Variants in HTR5A observed in about 807,000 individuals in gnomAD.
The protein encoded by HTR5A is 5-hydroxytryptamine receptor 5A.
In HTR5A, 21 loss-of-function variants were observed where a neutral mutation model predicts 24.3. The ratio of observed to expected loss-of-function variants is 0.86; its 90% CI spans 0.61 to 1.24. The LOEUF (loss-of-function observed/expected upper bound fraction) is 1.24, where lower values mean the gene tolerates loss of function less well. Ranked by LOEUF, HTR5A falls within the 50% of genes most tolerant of loss-of-function variation. The pLI, the probability that HTR5A is intolerant of heterozygous loss-of-function variation, is 0.00. For missense variants in HTR5A, 497 were observed against 489.5 expected (o/e 1.02, Z -0.15); for synonymous variants, 260 against 213.7 (o/e 1.22, Z -1.89).
rs2241859 is a variant in HTR5A at position 155,071,757 on chromosome 7, G to A, written c.741+117G>A. On this transcript the variant is annotated intron_variant, in intron 1 of 1. Coordinates refer to ENST00000287907, the MANE Select transcript of HTR5A (RefSeq NM_024012.4). ...AATGGAACTTTTTGTGTTTGGGAGT[G>A]GGGGGAGTAAACTGGGAGAGTGGAA... 21 of 1,076,062 alleles carry A rather than the reference G, an allele frequency of 2.0e-5. No homozygotes were observed. In the Admixed American group the frequency reaches 3.3e-4, roughly 17 times the overall value. The allele number at this position is 1,076,062 out of a possible 1,614,324, so 66.7% of individuals were successfully genotyped here.
At chr7:155,080,156 A>G (rs984783768) in intron 1 of HTR5A, among the ~76,000 whole-genome samples, 4 of 152,240 alleles carry the variant, frequency 2.6e-5, no homozygotes, top group Non-Finnish European at 5.9e-5. Flanking sequence ...ACACACAAGC[A>G]AGGCAAGAGG....
chr7:155,083,659 G>A (rs1222744212), intron 1 of HTR5A, among the ~76,000 whole-genome samples: 3 of 152,238 alleles, frequency 2.0e-5, no homozygotes, highest in Non-Finnish European at 2.9e-5. Flanking sequence ...GCCTCAAACA[G>A]TAGAATATGC....
intron 1 of HTR5A, among the ~76,000 whole-genome samples, chr7:155,082,638 A>T (rs55918542): frequency 0.029 from 4,464 of 152,274 alleles, 196 homozygotes; most frequent in African/African-American, 0.1. Flanking sequence ...TTCTTGTTTT[A>T]TTGCCGTCTT....
rs148039174 is a variant in HTR5A at position 155,082,986 on chromosome 7, C to T, written c.742-1169C>T. ...ACAGACTTGATGTTATACTGTTTTG[C>T]AAATAAATGTCAGCAAAGCTCTTCT... On this transcript the variant is annotated intron_variant, in intron 1 of 1. Transcript: ENST00000287907. Among the ~76,000 whole-genome samples the T allele has an allele frequency of 4.7e-4, 72 of 152,220 alleles. No individual in the cohort carries two copies. The East Asian group carries it at 0.013, about 27-fold the overall frequency.
rs529335046 is a variant in HTR5A, at chr7:155,082,344, C to A, written c.742-1811C>A. 4.0e-5 allele frequency among the ~76,000 whole-genome samples: 6 copies of A among 151,228 alleles called. 1 individual carries two copies. The highest frequency in any genetic ancestry group is 1.5e-4 in the African/African-American group (6 of 41,146). On this transcript the variant is annotated intron_variant, in intron 1 of 1. Transcript: ENST00000287907. ...GGCATCCATGGTGTCATCAGGGTGACCAGCATTCACAGTGTGAACAGAATC... is the reference window on the plus strand; with the variant it reads ...GGCATCCATGGTGTCATCAGGGTGAACAGCATTCACAGTGTGAACAGAATC...
At chr7:155,073,871 ATATATG>A (rs1221614359) in intron 1 of HTR5A, among the ~76,000 whole-genome samples, 14,609 of 61,220 alleles carry the variant, frequency 0.24, 1,450 homozygotes, top group East Asian at 0.31. Context: ...GTGTGTATAT[ATATATG>A]TATATATATA....
At position 155,070,777 on chromosome 7, in the gene HTR5A, C is replaced by G; in HGVS notation, c.-123C>G. On this transcript the variant is annotated 5_prime_UTR_variant, in exon 1 of 2. Coordinates refer to ENST00000287907, the MANE Select transcript of HTR5A (RefSeq NM_024012.4). ...TTGGGGCCAAATTCACAGGCACTTT[C>G]CAGAAACTCCCCCACTGGCCAGAGG... 2 of 1,056,202 alleles carry G rather than the reference C, an allele frequency of 1.9e-6. No individual in the cohort carries two copies. Among genetic ancestry groups the G allele is most frequent in the Non-Finnish European group, 2.7e-6 (2 of 727,452 alleles). The allele number at this position is 1,056,202 out of a possible 1,614,324, so 65.4% of individuals were successfully genotyped here.
At position 155,072,321 on chromosome 7, in the gene HTR5A, C is replaced by A. The variant is rs73729514; in HGVS notation, c.741+681C>A. ...GGTGTTACTTTATGGGTCTATCCCC[C>A]ACAGCCCTATTAGGTTGTAGGTGTG... On this transcript the variant is annotated intron_variant, in intron 1 of 1. Coordinates refer to ENST00000287907, the MANE Select transcript of HTR5A (RefSeq NM_024012.4). Among the ~76,000 whole-genome samples, 12 of 152,186 alleles carry A rather than the reference C, an allele frequency of 7.9e-5. No individual in the cohort carries two copies. The East Asian group carries it at 2.3e-3, about 29-fold the overall frequency.
chr7:155,076,566 T>C (rs1795361525), intron 1 of HTR5A, among the ~76,000 whole-genome samples: 1 of 152,162 alleles, frequency 6.6e-6, no homozygotes, highest in African/African-American at 2.4e-5. Flanking sequence ...CAATATTTCA[T>C]TGGAATTTGG....
At chr7:155,073,903 A>ATATATATGTGTG (rs1795331251) in intron 1 of HTR5A, among the ~76,000 whole-genome samples, 2 of 128,386 alleles carry the variant, frequency 1.6e-5, no homozygotes, top group African/African-American at 6.3e-5. Flanking sequence ...ATATATATAT[A>ATATATATGTGTG]TATATATATA....
Position 155,086,022 on chromosome 7 carries a change from AC to A in HTR5A, c.*1536del, listed in dbSNP as rs1249499570. 1.3e-5 allele frequency among the ~76,000 whole-genome samples: 2 copies of A among 152,212 alleles called. No homozygotes were observed. Among genetic ancestry groups the A allele is most frequent in the Non-Finnish European group, 2.9e-5 (2 of 68,036 alleles). ...TAAGAATTGAAGAATTTATTTAGAA[AC>A]GTCCTTAGATTTTTCATCTGTATAT... On this transcript the variant is annotated 3_prime_UTR_variant, in exon 2 of 2. Coordinates refer to ENST00000287907, the MANE Select transcript of HTR5A (RefSeq NM_024012.4).
rs1795457827 is a variant in HTR5A at position 155,084,769 on chromosome 7, C to T, written c.*282C>T. 2.6e-6 allele frequency: 1 copy of T among 381,490 alleles called. No individual in the cohort carries two copies. The highest frequency in any genetic ancestry group is 2.1e-5 in the African/African-American group (1 of 47,390). 23.6% of individuals were successfully genotyped at this position (381,490 alleles called of 1,614,324 possible). On this transcript the variant is annotated 3_prime_UTR_variant, in exon 2 of 2. Coordinates refer to ENST00000287907, the MANE Select transcript of HTR5A (RefSeq NM_024012.4). Reference sequence around the variant, plus strand: ...CAAAGTGTCCTTTCCTCCCCAAATTCACTCTGGCATGGTGATCGACATTGT... The same window carrying T: ...CAAAGTGTCCTTTCCTCCCCAAATTTACTCTGGCATGGTGATCGACATTGT...
In HTR5A at chr7:155,071,560, T is replaced by C; in HGVS notation, c.661T>C (p.Trp221Arg). 4.3e-6 allele frequency: 7 copies of C among 1,614,168 alleles called. No homozygotes were observed. Among genetic ancestry groups the C allele is most frequent in the South Asian group, 1.1e-5 (1 of 91,090 alleles). ...LPLCVVLFVY[W>R]KIYKAAKFRV... ...GCTCTGTGTGGTGCTCTTCGTGTAC[T>C]GGAAGATCTACAAGGCTGCCAAGTT... Residue 221 changes from tryptophan (W) to arginine (R), a missense_variant, in exon 1 of 2, where the codon TGG (tryptophan) becomes CGG (arginine). Trp to Arg is a moderately radical substitution (Grantham distance 101). Transcript: ENST00000287907.
At chr7:155,081,806 C>T (rs1322032994) in intron 1 of HTR5A, among the ~76,000 whole-genome samples, 1 of 152,138 alleles carries the variant, frequency 6.6e-6, no homozygotes, top group Non-Finnish European at 1.5e-5. Flanking sequence ...CAAGACCCTC[C>T]TAGCAGCTGG....
At chr7:155,078,915 C>G (rs1795387166) in intron 1 of HTR5A, among the ~76,000 whole-genome samples, 1 of 151,372 alleles carries the variant, frequency 6.6e-6, no homozygotes, top group Non-Finnish European at 1.5e-5. Context: ...TTCTTCCTTT[C>G]CTTTCTTTTC....
chr7:155,081,350 C>A lies in HTR5A; in HGVS notation c.742-2805C>A, dbSNP rs1319755592. 2.0e-5 allele frequency among the ~76,000 whole-genome samples: 3 copies of A among 152,072 alleles called. No individual in the cohort carries two copies. The East Asian group carries it at 5.8e-4, about 29-fold the overall frequency. ...TGGTTGGATGAAATAAAAGAACATA[C>A]CAGATTTGTGATTAACCAGTAAATA... is the stretch of plus-strand genomic sequence containing the variant. On this transcript the variant is annotated intron_variant, in intron 1 of 1. Transcript: ENST00000287907.
Position 155,084,400 on chromosome 7 carries a change from C to T in HTR5A, c.987C>T (p.Ser329=), listed in dbSNP as rs1173620249. 1.2e-6 allele frequency: 2 copies of T among 1,614,026 alleles called. No homozygotes were observed. Among genetic ancestry groups the T allele is most frequent in the African/African-American group, 1.3e-5 (1 of 74,902 alleles). ...GCATCTTCCTGTGGCTTGGCTACTC[C>T]AACTCCTTCTTTAACCCCCTGATCT... is the stretch of plus-strand genomic sequence containing the variant. ...WKSIFLWLGY[S]NSFFNPLIYT... Residue 329 remains serine (S), a synonymous_variant, in exon 2 of 2, where the codon TCC becomes TCT. Coordinates refer to ENST00000287907, the MANE Select transcript of HTR5A (RefSeq NM_024012.4).
intron 1 of HTR5A, among the ~76,000 whole-genome samples, chr7:155,082,286 G>A (rs1795426581): frequency 6.6e-6 from 1 of 151,904 alleles, no homozygotes. Context: ...CATCCATGGT[G>A]TTACCAGTGT....
At position 155,071,523 on chromosome 7, in the gene HTR5A, C is replaced by T. The variant is rs1795294994; in HGVS notation, c.624C>T (p.Ala208=). Residue 208 remains alanine (A), a synonymous_variant, in exon 1 of 2, where the codon GCC becomes GCT. Transcript: ENST00000287907. ...PSYAVFSTVG[A]FYLPLCVVLF... ...ACGCCGTGTTCTCCACCGTAGGCGC[C>T]TTCTACCTGCCGCTCTGTGTGGTGC... The T allele has an allele frequency of 6.2e-7, 1 of 1,614,194 alleles. No homozygotes were observed. Among genetic ancestry groups the T allele is most frequent in the African/African-American group, 1.3e-5 (1 of 75,048 alleles).
Sources: gnomAD v4.1 joint callset for allele counts (sites outside exome capture counted in the v4.1 genomes callset) on GRCh38, gnomAD v4.1.1 for gene constraint, MANE v1.5 for transcripts, NCBI Gene and HGNC (gene_info 2026-07-23, HGNC 2026-07-21) for gene names.